CTNNA1: variants seen among roughly 807,000 people sequenced by gnomAD.
The protein encoded by CTNNA1 is catenin alpha 1.
A neutral mutation model predicts 98.4 loss-of-function variants in CTNNA1; 37 were observed. The observed-to-expected ratio is 0.38, with a 90% CI of 0.29 to 0.49. CTNNA1 has a LOEUF of 0.49. CTNNA1 is among the 20% of genes least tolerant of loss of function. The probability of loss-of-function intolerance (pLI) is 0.95; values close to 1 mark genes in which losing one functional copy is unlikely to be tolerated. For synonymous variants in CTNNA1, 404 were observed against 413.2 expected, an observed-to-expected ratio of 0.98 and a Z score of 0.27; for missense variants, 761 against 1,147.2, an observed-to-expected ratio of 0.66 and a Z score of 4.86.
intron 7 of CTNNA1, among the ~76,000 whole-genome samples, chr5:138,867,388 A>C (rs1295456060): frequency 1.3e-5 from 2 of 152,244 alleles, no homozygotes; most frequent in Non-Finnish European, 2.9e-5. Context: ...CAAACACGGC[A>C]GACTACTGGC....
chr5:138,783,270 C>G lies in CTNNA1; in HGVS notation c.199C>G (p.Gln67Glu), dbSNP rs772061558. 6.2e-7 allele frequency: 1 copy of G among 1,614,072 alleles called. No homozygotes were observed. Among genetic ancestry groups the G allele is most frequent in the Admixed American group, 1.7e-5 (1 of 60,012 alleles). ...KAHVLAASVE[Q>E]ATENFLEKGD... ...CCATGTTTTGGCTGCATCTGTTGAACAAGCAACTGAGAATTTCTTGGAGAA... is the reference window on the plus strand; with the variant it reads ...CCATGTTTTGGCTGCATCTGTTGAAGAAGCAACTGAGAATTTCTTGGAGAA... The change falls in exon 3 of 18, where the codon CAA becomes GAA. Residue 67 changes from glutamine to glutamate, a missense_variant. Transcript: ENST00000302763.
chr5:138,787,125 G>A (rs1224419868), intron 3 of CTNNA1, among the ~76,000 whole-genome samples: 2 of 152,120 alleles, frequency 1.3e-5, no homozygotes, highest in Non-Finnish European at 2.9e-5. Context: ...AGTATTTTTG[G>A]CTTTTCTGAT....
rs1410904142 is a variant in CTNNA1, at chr5:138,781,932, C to G, written c.8C>G (p.Ala3Gly). The G allele has an allele frequency of 3.8e-6, 6 of 1,583,542 alleles. No homozygotes were observed. The South Asian group carries it at 7.1e-5, about 19-fold the overall frequency. ...TTTGTTTCTTATTTAGAAATGACTG[C>G]TGTCCATGCAGGCAACATAAACTTC... MT[A>G]VHAGNINFKW... Residue 3 changes from alanine to glycine, a missense_variant, in exon 2 of 18, where the codon GCT becomes GGT. Ala to Gly is a moderately conservative substitution (Grantham distance 60, BLOSUM62 0). Coordinates refer to ENST00000302763, the MANE Select transcript of CTNNA1 (RefSeq NM_001903.5).
intron 7 of CTNNA1, among the ~76,000 whole-genome samples, chr5:138,868,216 C>T (rs927386434): frequency 3.3e-5 from 5 of 152,284 alleles, no homozygotes; most frequent in African/African-American, 1.2e-4. Flanking sequence ...TTCTAGTCAG[C>T]AGTAGCTATT....
At chr5:138,815,087 A>C (rs1581131429) in intron 5 of CTNNA1, among the ~76,000 whole-genome samples, 1 of 152,290 alleles carries the variant, frequency 6.6e-6, no homozygotes, top group East Asian at 1.9e-4. Flanking sequence ...ACTTACTAGA[A>C]AGTAATGCTA....
intron 11 of CTNNA1, among the ~76,000 whole-genome samples, chr5:138,922,453 T>C (rs889304186): frequency 3.9e-5 from 6 of 152,228 alleles, no homozygotes; most frequent in Non-Finnish European, 8.8e-5. Context: ...GTCCATAATA[T>C]AATTCCTTTT....
intron 7 of CTNNA1, among the ~76,000 whole-genome samples, chr5:138,882,491 G>A (rs1439994051): frequency 2.0e-5 from 3 of 152,152 alleles, no homozygotes; most frequent in Non-Finnish European, 4.4e-5. Context: ...ATCTTTCAAT[G>A]TAGGGCACTT....
chr5:138,914,087 T>C (rs1396690681), intron 10 of CTNNA1, among the ~76,000 whole-genome samples: 1 of 152,242 alleles, frequency 6.6e-6, no homozygotes, highest in Non-Finnish European at 1.5e-5. Context: ...CAGCTGTCTT[T>C]TGTACACAAT....
chr5:138,918,534 AAAAT>A (rs1366397711), intron 11 of CTNNA1, among the ~76,000 whole-genome samples: 4 of 152,328 alleles, frequency 2.6e-5, no homozygotes, highest in Admixed American at 2.6e-4. Flanking sequence ...TGAACTTGAA[AAAAT>A]AAATCTGGGT....
At chr5:138,831,850 G>A (rs963869797) in intron 7 of CTNNA1, among the ~76,000 whole-genome samples, 1 of 152,168 alleles carries the variant, frequency 6.6e-6, no homozygotes, top group Non-Finnish European at 1.5e-5. Context: ...CTTGCTTAAT[G>A]AACTCATGCT....
chr5:138,840,079 A>G (rs541446065), intron 7 of CTNNA1, among the ~76,000 whole-genome samples: 1 of 152,360 alleles, frequency 6.6e-6, no homozygotes, highest in East Asian at 1.9e-4. Context: ...ATGCACAGAG[A>G]ATCTCTCAAG....
intron 7 of CTNNA1, among the ~76,000 whole-genome samples, chr5:138,859,786 T>C (rs1764091645): frequency 1.3e-5 from 2 of 152,024 alleles, no homozygotes; most frequent in East Asian, 3.9e-4. Context: ...CATGCACCTG[T>C]AGTCGCAGCT....
intron 1 of CTNNA1, among the ~76,000 whole-genome samples, chr5:138,779,717 G>GTTTTTTT (rs1419754755): frequency 1.3e-5 from 1 of 74,478 alleles, no homozygotes; most frequent in Non-Finnish European, 2.9e-5. Flanking sequence ...GTTTTTTTTT[G>GTTTTTTT]TTTTTGTTTT....
rs1257456326 is a variant in CTNNA1, at chr5:138,873,860, A to C, written c.1063-12352A>C. On this transcript the variant is annotated intron_variant, in intron 7 of 17. Transcript: ENST00000302763. The surrounding 1 kb of genome is among the most constrained non-coding windows in gnomAD (Gnocchi z 6.1). ...GCTGATTTTGTTCCATTGTAAGAAG[A>C]GCGTGTGCAGACTGCTTAGCCGTAG... 6.2e-7 allele frequency: 1 copy of C among 1,614,022 alleles called. No homozygotes were observed.
At chr5:138,772,564 T>C (rs925566825) in intron 1 of CTNNA1, among the ~76,000 whole-genome samples, 1 of 152,204 alleles carries the variant, frequency 6.6e-6, no homozygotes, top group African/African-American at 2.4e-5. Flanking sequence ...ATTTGCAAAT[T>C]ATGTTGCATA....
intron 3 of CTNNA1, among the ~76,000 whole-genome samples, chr5:138,794,906 T>G (rs931014695): frequency 1.3e-5 from 2 of 152,130 alleles, no homozygotes; most frequent in African/African-American, 4.8e-5. Context: ...TTCCAGCACT[T>G]TGGGAGGCTG....
chr5:138,810,914 A>G lies in CTNNA1; in HGVS notation c.468+710A>G, dbSNP rs6596451. Among the ~76,000 whole-genome samples, 939 of 142,128 alleles carry G rather than the reference A, an allele frequency of 6.6e-3. 3 individuals are homozygous for G. Among genetic ancestry groups the G allele is most frequent in the Non-Finnish European group, 9.8e-3 (622 of 63,246 alleles). The allele number at this position is 142,128 out of a possible 152,430, so 93.2% of individuals were successfully genotyped here. A position where few individuals can be genotyped will look rare whatever the true frequency, so the allele number is the denominator to read the frequency against. ...TCCCGCACGGGGCGGCTGGCCGGGC[A>G]GGGGGCTGACCCCCCCACCTCCCTC... is the stretch of plus-strand genomic sequence containing the variant. On this transcript the variant is annotated intron_variant, in intron 4 of 17. Transcript: ENST00000302763.
At chr5:138,767,110 C>T (rs756070663) in intron 1 of CTNNA1, among the ~76,000 whole-genome samples, 4 of 152,218 alleles carry the variant, frequency 2.6e-5, no homozygotes, top group Non-Finnish European at 4.4e-5. Context: ...GATCTTGGCT[C>T]ACTGCAAGCT....
intron 6 of CTNNA1, among the ~76,000 whole-genome samples, chr5:138,825,889 C>T (rs1007475163): frequency 6.6e-6 from 1 of 152,048 alleles, no homozygotes; most frequent in African/African-American, 2.4e-5. Flanking sequence ...TGTTGTTTTT[C>T]CCCCCTTCAA....
Sources: allele counts gnomAD v4.1 joint callset (sites outside exome capture counted in the v4.1 genomes callset), GRCh38; gene constraint gnomAD v4.1.1; non-coding constraint Gnocchi (gnomAD v3.1); transcripts MANE v1.5; gene names NCBI Gene and HGNC (gene_info 2026-07-23, HGNC 2026-07-21).